SLC6A9: variants seen among roughly 807,000 people sequenced by gnomAD.
The protein encoded by SLC6A9 is sodium- and chloride-dependent glycine transporter 1.
Under a neutral mutation model 70.9 loss-of-function variants are expected in SLC6A9, and 31 were observed. The ratio of observed to expected loss-of-function variants is 0.44; its 90% confidence interval spans 0.33 to 0.59. SLC6A9 has a LOEUF of 0.59. Among genes scored for constraint, SLC6A9 ranks in the 20% least tolerant of loss-of-function variants. SLC6A9 has a pLI of 0.04. For synonymous variants in SLC6A9, 310 were observed against 341.3 expected, an observed-to-expected ratio of 0.91 and a Z score of 1.01; for missense variants, 631 against 845.2, an observed-to-expected ratio of 0.75 and a Z score of 3.14.
chr1:44,028,964 G>A (rs2087039017), intron 1 of SLC6A9, among the ~76,000 whole-genome samples: 1 of 152,178 alleles, frequency 6.6e-6, no homozygotes, highest in South Asian at 2.1e-4. Flanking sequence ...TGGGTAGGGG[G>A]AGGGATAAGA....
chr1:44,010,645 G>T, intron 3 of SLC6A9, 81 bp downstream of exon 3: 1 of 1,399,448 alleles, frequency 7.1e-7, no homozygotes. Flanking sequence ...GAGTGGGTCT[G>T]TGCCAGGGAG....
At chr1:44,008,017 G>A (rs2086383550) in intron 5 of SLC6A9, among the ~76,000 whole-genome samples, 2 of 151,498 alleles carry the variant, frequency 1.3e-5, no homozygotes, top group African/African-American at 2.4e-5. Flanking sequence ...CTGCCACCAC[G>A]CCCGGCTAAT....
intron 1 of SLC6A9, among the ~76,000 whole-genome samples, chr1:44,025,923 T>C (rs1166464734): frequency 6.6e-6 from 1 of 152,232 alleles, no homozygotes; most frequent in Non-Finnish European, 1.5e-5. Flanking sequence ...TCTGGGCAAC[T>C]CTGCCCCACC....
intron 12 of SLC6A9, among the ~76,000 whole-genome samples, chr1:44,000,488 T>C (rs1345780592): frequency 2.0e-5 from 3 of 152,058 alleles, no homozygotes; most frequent in African/African-American, 7.2e-5. Context: ...GACTCCTGAG[T>C]CCCCGGGGGT....
intron 1 of SLC6A9, among the ~76,000 whole-genome samples, chr1:44,028,289 G>C (rs1007640616): frequency 1.1e-4 from 17 of 151,632 alleles, no homozygotes; most frequent in African/African-American, 3.4e-4. Context: ...TTGGGGTCTG[G>C]ATTTTGGTCT....
At position 44,022,722 on chromosome 1, in the gene SLC6A9, CTT is replaced by C. The variant is rs71307650; in HGVS notation, c.30+1524_30+1525del. ...TTTTTCTTTCTTTCTTTCTTTCTTT[CTT>C]TTTTTTTTTTTTGAGACAGAGCCCT... On this transcript the variant is annotated intron_variant, in intron 2 of 13. Transcript: ENST00000372310. Among the ~76,000 whole-genome samples, 82 of 118,942 alleles carry C rather than the reference CTT, an allele frequency of 6.9e-4. 3 individuals are homozygous for C. In the South Asian group the frequency reaches 0.021, roughly 30 times the overall value. 78.0% of individuals were successfully genotyped at this position (118,942 alleles called of 152,430 possible).
At position 44,002,151 on chromosome 1, in the gene SLC6A9, C is replaced by T. The variant is rs1334545417; in HGVS notation, c.962+162G>A. On this transcript the variant is annotated intron_variant, in intron 8 of 13. Transcript: ENST00000372310. This position sits in a 1 kb window ranked among gnomAD's most constrained non-coding sequence, Gnocchi z 5.5. ...TCTCTTCTCTCTCCTGCCTAAACCTCTCTCCTCATTCTCCAACAACTTTAT... is the reference window on the plus strand; with the variant it reads ...TCTCTTCTCTCTCCTGCCTAAACCTTTCTCCTCATTCTCCAACAACTTTAT... Among the ~76,000 whole-genome samples, 1 of 152,216 alleles carries T rather than the reference C, an allele frequency of 6.6e-6. No individual in the cohort carries two copies. The highest frequency in any genetic ancestry group is 1.5e-5 in the Non-Finnish European group (1 of 68,040).
intron 2 of SLC6A9, among the ~76,000 whole-genome samples, chr1:44,019,681 C>T (rs2086844562): frequency 6.6e-6 from 1 of 152,262 alleles, no homozygotes; most frequent in Non-Finnish European, 1.5e-5. Flanking sequence ...CCCAGCTGGG[C>T]CCTGGCCGTA....
In SLC6A9 at chr1:43,997,309, T is replaced by G; in HGVS notation, c.*236A>C. 1.8e-6 allele frequency: 1 copy of G among 550,118 alleles called. No homozygotes were observed. Among genetic ancestry groups the G allele is most frequent in the South Asian group, 2.3e-5 (1 of 43,314 alleles). 34.1% of individuals were successfully genotyped at this position (550,118 alleles called of 1,614,324 possible). On this transcript the variant is annotated 3_prime_UTR_variant, in exon 14 of 14. Transcript: ENST00000372310. The surrounding 1 kb of genome is among the most constrained non-coding windows in gnomAD (Gnocchi z 4.4). ...AGACCCCTCCAAAGTGCTTTGGACC[T>G]CCCAGCAACCCTCCACTCCCACCCC... is the stretch of plus-strand genomic sequence containing the variant.
At chr1:44,008,709 T>A in intron 4 of SLC6A9, 86 bp from the exon 5 acceptor site, 1 of 1,103,036 alleles carries the variant, frequency 9.1e-7, no homozygotes, top group Non-Finnish European at 1.3e-6. Flanking sequence ...TCTTTTCTTT[T>A]CTTTTTTTTT....
chr1:44,015,174 A>T (rs1340376350), intron 2 of SLC6A9, among the ~76,000 whole-genome samples: 2 of 152,258 alleles, frequency 1.3e-5, no homozygotes, highest in Non-Finnish European at 2.9e-5. Flanking sequence ...GAGGAAATGC[A>T]GCAACAAAGC....
chr1:44,000,715 A>T (rs905817315), intron 12 of SLC6A9, 52 bp downstream of exon 12: 6 of 1,206,268 alleles, frequency 5.0e-6, no homozygotes, highest in Non-Finnish European at 7.2e-6. Flanking sequence ...CAAGAGATGG[A>T]CACATGGCCA....
In SLC6A9 at chr1:44,002,333, C is replaced by CT. The variant is rs2086143858; in HGVS notation, c.941dup (p.Phe315ValfsTer4). The stretch of plus-strand genomic sequence containing the variant: ...CTCACCGGTAACAGTTATTGTGGAA[C>CT]TTGTTGTAGGAAGCCATGGTGATGA... On this transcript the variant is annotated frameshift_variant, in exon 8 of 14. Coordinates refer to ENST00000372310, the MANE Select transcript of SLC6A9 (RefSeq NM_001024845.3). LOFTEE classifies it high-confidence loss of function. This position sits in a 1 kb window ranked among gnomAD's most constrained non-coding sequence, Gnocchi z 5.5. 1 of 1,613,536 alleles carries CT rather than the reference C, an allele frequency of 6.2e-7. No individual in the cohort carries two copies. The highest frequency in any genetic ancestry group is 1.7e-5 in the Admixed American group (1 of 60,002).
In SLC6A9 at chr1:44,024,333, CA is replaced by C; in HGVS notation, c.-57del. 1 of 1,602,388 alleles carries C rather than the reference CA, an allele frequency of 6.2e-7. No homozygotes were observed. The highest frequency in any genetic ancestry group is 1.7e-5 in the Admixed American group (1 of 60,008). On this transcript the variant is annotated 5_prime_UTR_variant, in exon 2 of 14. Transcript: ENST00000372310. ...GGACCACACTCACAGGCTCTGCTTC[CA>C]GCGCCTTTCAGGCCACAGATCTCAA...
At chr1:44,017,867 C>T (rs1345883566) in intron 2 of SLC6A9, among the ~76,000 whole-genome samples, 2 of 152,220 alleles carry the variant, frequency 1.3e-5, no homozygotes, top group Non-Finnish European at 2.9e-5. Context: ...AATAAGAACC[C>T]GTGAGGATTT....
At chr1:44,008,080 G>T (rs938117197) in intron 5 of SLC6A9, among the ~76,000 whole-genome samples, 33 of 152,108 alleles carry the variant, frequency 2.2e-4, no homozygotes, top group African/African-American at 6.8e-4. Context: ...GTGTTAGCCA[G>T]GATGGTCTCG....
At chr1:44,027,813 TA>T (rs2154307783) in intron 1 of SLC6A9, among the ~76,000 whole-genome samples, 1 of 152,208 alleles carries the variant, frequency 6.6e-6, no homozygotes, top group Non-Finnish European at 1.5e-5. Flanking sequence ...CCGTCTCTAC[TA>T]AAAACACAAA....
chr1:44,000,782 A>C lies in SLC6A9; in HGVS notation c.1521T>G (p.Ser507=). 6.2e-7 allele frequency: 1 copy of C among 1,607,456 alleles called. No homozygotes were observed. Among genetic ancestry groups the C allele is most frequent in the Non-Finnish European group, 8.5e-7 (1 of 1,176,096 alleles). The change falls in exon 12 of 14, where the codon TCT becomes TCG. Residue 507 remains serine (S), a synonymous_variant. Transcript: ENST00000372310. Reference sequence around the variant, plus strand: ...GGGAACTCACGAAGATGATGGCGGGAGAGACGAAGCGCCAGCAGATCTGAA... The same window carrying C: ...GGGAACTCACGAAGATGATGGCGGGCGAGACGAAGCGCCAGCAGATCTGAA... ...LFFQICWRFV[S]PAIIFFILVF... is the part of the protein sequence containing the mutation.
rs1374008963 is a variant in SLC6A9, at chr1:43,997,601, G to A, written c.1846C>T (p.Gln616Ter). 1 of 1,613,850 alleles carries A rather than the reference G, an allele frequency of 6.2e-7. No individual in the cohort carries two copies. Among genetic ancestry groups the A allele is most frequent in the Non-Finnish European group, 8.5e-7 (1 of 1,180,016 alleles). Reference sequence around the variant, plus strand: ...CCATTACTGCCCACAATGGGGATCTGCGCCTTGTCCGGGTGCAGTGGCTGG... The same window carrying A: ...CCATTACTGCCCACAATGGGGATCTACGCCTTGTCCGGGTGCAGTGGCTGG... ...EVQPLHPDKA[Q>*]IPIVGSNGSS... Residue 616 changes from glutamine to a stop codon, truncating the protein, a stop_gained, in exon 14 of 14, where the codon CAG becomes TAG. Coordinates refer to ENST00000372310, the MANE Select transcript of SLC6A9 (RefSeq NM_001024845.3). LOFTEE classifies it high-confidence loss of function. This position sits in a 1 kb window ranked among gnomAD's most constrained non-coding sequence, Gnocchi z 4.4.
Sources: allele counts gnomAD v4.1 joint callset (sites outside exome capture counted in the v4.1 genomes callset), GRCh38; gene constraint gnomAD v4.1.1; non-coding constraint Gnocchi (gnomAD v3.1); transcripts MANE v1.5; gene names NCBI Gene and HGNC (gene_info 2026-07-23, HGNC 2026-07-21).